STIM2: variants seen among roughly 807,000 people sequenced by gnomAD.
The protein encoded by STIM2 is stromal interaction molecule 2.
In STIM2, 31 loss-of-function variants were observed where a neutral mutation model predicts 85.8. That is an observed-to-expected ratio of 0.36 (90% CI 0.27 to 0.49). The LOEUF is 0.49. Ranked by LOEUF, STIM2 falls within the 20% of genes least tolerant of loss-of-function variation. STIM2 has a pLI of 0.98. For missense variants in STIM2, 841 were observed against 927.6 expected (o/e 0.91, Z 1.21); for synonymous variants, 356 against 331.1 (o/e 1.08, Z -0.82).
At chr4:26,886,879 A>C (rs1553845144) in intron 1 of STIM2, among the ~76,000 whole-genome samples, 1 of 152,212 alleles carries the variant, frequency 6.6e-6, no homozygotes, top group Non-Finnish European at 1.5e-5. Context: ...GTCTTAGAGC[A>C]GGGAGACCAA....
intron 11 of STIM2, among the ~76,000 whole-genome samples, chr4:27,018,420 G>C (rs1728807033): frequency 6.6e-6 from 1 of 152,162 alleles, no homozygotes; most frequent in Admixed American, 6.5e-5. Flanking sequence ...CAGCAATAGA[G>C]AATTTCTCTG....
intron 1 of STIM2, among the ~76,000 whole-genome samples, chr4:26,903,166 T>G (rs1261176585): frequency 1.3e-5 from 2 of 152,162 alleles, no homozygotes; most frequent in Non-Finnish European, 2.9e-5. Context: ...CAGCCTTAGT[T>G]TAGACTTTTA....
intron 1 of STIM2, chr4:26,881,410 G>T (rs1477342836): frequency 2.0e-5 from 3 of 150,876 alleles, no homozygotes; most frequent in African/African-American, 7.3e-5. Context: ...AGGTTGCAGT[G>T]AGCTGAGATT....
At chr4:26,912,523 T>C (rs1210417475) in intron 1 of STIM2, among the ~76,000 whole-genome samples, 1 of 152,226 alleles carries the variant, frequency 6.6e-6, no homozygotes, top group African/African-American at 2.4e-5. Context: ...ATTCCTCTAG[T>C]GAAGGCAAAG....
At chr4:26,994,429 C>G (rs1386607764) in intron 3 of STIM2, among the ~76,000 whole-genome samples, 1 of 151,860 alleles carries the variant, frequency 6.6e-6, no homozygotes, top group East Asian at 1.9e-4. Context: ...GAATCTGACT[C>G]CTTGTTGTCA....
intron 1 of STIM2, among the ~76,000 whole-genome samples, chr4:26,874,821 T>C (rs1429999151): frequency 6.6e-6 from 1 of 152,186 alleles, no homozygotes; most frequent in Admixed American, 6.5e-5. Flanking sequence ...TGCTGTGTGC[T>C]AGACAGCAGA....
chr4:27,020,773 T>A (rs1205808960), intron 11 of STIM2, among the ~76,000 whole-genome samples: 6 of 152,218 alleles, frequency 3.9e-5, no homozygotes, highest in African/African-American at 1.4e-4. Flanking sequence ...TTTGTAAATA[T>A]GAATTTAGTC....
At chr4:26,861,426 C>A (rs577066366) in intron 1 of STIM2, 57 bp downstream of exon 1, 1 of 1,274,742 alleles carries the variant, frequency 7.8e-7, no homozygotes, top group African/African-American at 1.6e-5. Context: ...GACCCCCAAC[C>A]CGTGCAGAGG....
chr4:26,978,307 A>C (rs1246181655), intron 3 of STIM2, among the ~76,000 whole-genome samples: 1 of 148,176 alleles, frequency 6.7e-6, no homozygotes, highest in Non-Finnish European at 1.5e-5. Flanking sequence ...ATATAAATCT[A>C]TATATATGAA....
intron 1 of STIM2, among the ~76,000 whole-genome samples, chr4:26,913,408 G>A (rs1724415194): frequency 6.6e-6 from 1 of 152,040 alleles, no homozygotes; most frequent in African/African-American, 2.4e-5. Context: ...AGAGCCTTAA[G>A]CACTGTCTTA....
intron 2 of STIM2, among the ~76,000 whole-genome samples, chr4:26,952,206 A>G (rs1726080341): frequency 1.3e-5 from 2 of 152,150 alleles, no homozygotes; most frequent in Admixed American, 1.3e-4. Flanking sequence ...GGATGAGATC[A>G]AGGTTATTAA....
chr4:26,902,131 G>A (rs1407967245), intron 1 of STIM2, among the ~76,000 whole-genome samples: 1 of 152,092 alleles, frequency 6.6e-6, no homozygotes, highest in African/African-American at 2.4e-5. Flanking sequence ...GAAGAGATAT[G>A]GTAGCTGTAA....
At chr4:26,984,957 C>T (rs1727529125) in intron 3 of STIM2, among the ~76,000 whole-genome samples, 1 of 152,176 alleles carries the variant, frequency 6.6e-6, no homozygotes, top group African/African-American at 2.4e-5. Flanking sequence ...GTATATTTCT[C>T]TTTGGTACAA....
chr4:26,874,814 T>C (rs1361153684), intron 1 of STIM2, among the ~76,000 whole-genome samples: 1 of 152,200 alleles, frequency 6.6e-6, no homozygotes, highest in Non-Finnish European at 1.5e-5. Flanking sequence ...GAATGTCTGC[T>C]GTGTGCTAGA....
chr4:26,920,730 A>C (rs1398221145), intron 2 of STIM2, among the ~76,000 whole-genome samples: 4 of 152,086 alleles, frequency 2.6e-5, no homozygotes, highest in Non-Finnish European at 5.9e-5. Flanking sequence ...TGATTCCTCT[A>C]TCTCTAGGCC....
At chr4:26,961,715 T>C (rs965084608) in intron 3 of STIM2, among the ~76,000 whole-genome samples, 11 of 152,042 alleles carry the variant, frequency 7.2e-5, no homozygotes, top group Admixed American at 7.2e-4. Context: ...ACCCAGGAGT[T>C]CTAGAAGGAG....
At chr4:26,992,522 T>C (rs7679403) in intron 3 of STIM2, among the ~76,000 whole-genome samples, 47,150 of 151,754 alleles carry the variant, frequency 0.31, 7,702 homozygotes, top group East Asian at 0.62. Flanking sequence ...AGCAAGACCC[T>C]ATCTCTACAA....
chr4:26,871,704 CTTTTT>C (rs35869869), intron 1 of STIM2, among the ~76,000 whole-genome samples: 1 of 129,522 alleles, frequency 7.7e-6, no homozygotes, highest in Non-Finnish European at 1.6e-5. Context: ...TGTTTTCACC[CTTTTT>C]TTTTTTTTTT....
intron 3 of STIM2, among the ~76,000 whole-genome samples, chr4:26,976,972 T>A (rs1308238090): frequency 6.6e-6 from 1 of 152,200 alleles, no homozygotes; most frequent in Non-Finnish European, 1.5e-5. Context: ...ACATATACAC[T>A]CACACAACTG....
Sources: allele counts gnomAD v4.1 joint callset (sites outside exome capture counted in the v4.1 genomes callset), GRCh38; gene constraint gnomAD v4.1.1; transcripts MANE v1.5; gene names NCBI Gene and HGNC (gene_info 2026-07-23, HGNC 2026-07-21).